TMEM255A: variants seen among roughly 807,000 people sequenced by gnomAD.
TMEM255A encodes family with sequence similarity 70, member A.
TMEM255A carries 14 observed loss-of-function variants against 23.5 expected under a neutral mutation model. That is an observed-to-expected ratio of 0.60 (90% confidence interval 0.39 to 0.93). TMEM255A has a LOEUF of 0.93. Ranked by LOEUF, TMEM255A falls within the 40% of genes least tolerant of loss-of-function variation. The pLI is 0.00. For synonymous variants in TMEM255A, 104 were observed against 100.3 expected, an observed-to-expected ratio of 1.04 and a Z score of -0.22; for missense variants, 233 against 261.7, an observed-to-expected ratio of 0.89 and a Z score of 0.76.
intron 7 of TMEM255A, among the ~76,000 whole-genome samples, chrX:120,270,731 A>G (rs950786083): frequency 9.0e-6 from 1 of 110,677 alleles, no homozygotes; most frequent in African/African-American, 3.3e-5. Flanking sequence ...GATTCCATTG[A>G]AGACTGCCAG....
At position 120,260,207 on chromosome X, in the gene TMEM255A, T is replaced by C; in HGVS notation, c.*663A>G. 1.3e-6 allele frequency: 1 copy of C among 751,924 alleles called. No homozygotes were observed. The highest frequency in any genetic ancestry group is 1.6e-6 in the Non-Finnish European group (1 of 636,623). The allele number at this position is 751,924 out of a possible 1,213,427, so 62.0% of individuals were successfully genotyped here. A position where few individuals can be genotyped will look rare whatever the true frequency, so the allele number is the denominator to read the frequency against. On this transcript the variant is annotated 3_prime_UTR_variant, in exon 9 of 9. Transcript: ENST00000371369. Reference sequence around the variant, plus strand: ...AGTGTTTCCGGAACAATACATCCTGTTCCCCACTACTGAAGATGCAAGAAT... The same window carrying C: ...AGTGTTTCCGGAACAATACATCCTGCTCCCCACTACTGAAGATGCAAGAAT...
intron 7 of TMEM255A, among the ~76,000 whole-genome samples, chrX:120,274,170 G>A (rs782472128): frequency 2.8e-4 from 31 of 111,992 alleles, no homozygotes; most frequent in Non-Finnish European, 5.3e-4. Context: ...CCAGAAGTTC[G>A]AATATTGCAT....
intron 8 of TMEM255A, among the ~76,000 whole-genome samples, chrX:120,262,069 C>T (rs1184541679): frequency 8.9e-6 from 1 of 111,734 alleles, no homozygotes; most frequent in East Asian, 2.8e-4. Context: ...GTGGGTGGAG[C>T]ACCTGAGGTC....
At chrX:120,279,961 CT>C (rs1225912201) in intron 6 of TMEM255A, among the ~76,000 whole-genome samples, 85 of 76,825 alleles carry the variant, frequency 1.1e-3, no homozygotes, top group African/African-American at 3.8e-3. Flanking sequence ...TTTTCTTTTT[CT>C]TTTTTTTTCC....
At chrX:120,268,148 C>T (rs1556017917) in intron 8 of TMEM255A, 96 bp downstream of exon 8, 5 of 978,463 alleles carry the variant, frequency 5.1e-6, no homozygotes, top group Admixed American at 6.2e-5. Flanking sequence ...CATATGCAGA[C>T]AATGGAAAGG....
In TMEM255A at chrX:120,260,146, T is replaced by A; in HGVS notation, c.*724A>T. The A allele has an allele frequency of 1.4e-6, 1 of 737,728 alleles. No homozygotes were observed. The highest frequency in any genetic ancestry group is 1.6e-6 in the Non-Finnish European group (1 of 623,851). The allele number at this position is 737,728 out of a possible 1,213,427, so 60.8% of individuals were successfully genotyped here. A position where few individuals can be genotyped will look rare whatever the true frequency, so the allele number is the denominator to read the frequency against. The stretch of plus-strand genomic sequence containing the variant: ...AGTAGAACCACTGTCTCCTAAGTGA[T>A]CTACTTAAAACATCTCACATGTTGC... On this transcript the variant is annotated 3_prime_UTR_variant, in exon 9 of 9. Coordinates refer to ENST00000371369, the MANE Select transcript of TMEM255A (RefSeq NM_001104544.3).
intron 1 of TMEM255A, among the ~76,000 whole-genome samples, chrX:120,307,999 G>A (rs1232403246): frequency 9.0e-6 from 1 of 111,673 alleles, no homozygotes; most frequent in Non-Finnish European, 1.9e-5. Context: ...TCTCTCATCC[G>A]GGTATTCCCC....
chrX:120,254,914 A>G (rs1186448183), downstream of TMEM255A: 4 of 1,212,191 alleles, frequency 3.3e-6, no homozygotes, highest in African/African-American at 5.2e-5. Flanking sequence ...ATTGTATGCA[A>G]AAGGTCATAT....
In TMEM255A at chrX:120,291,326, G is replaced by C; in HGVS notation, c.279C>G (p.Ile93Met). 10 of 1,207,281 alleles carry C rather than the reference G, an allele frequency of 8.3e-6. No individual in the cohort carries two copies. The highest frequency in any genetic ancestry group is 1.1e-5 in the Non-Finnish European group (10 of 892,819). Reference protein sequence around the residue: ...ENKRQMLVASIVFISFGVIAA... With the variant: ...ENKRQMLVASMVFISFGVIAA... ...CAATCACACCAAAGCTGATAAACAC[G>C]ATAGAAGCCACCAGCTGTAGGGGGG... The change falls in exon 4 of 9, where the codon ATC becomes ATG. Residue 93 changes from isoleucine (I) to methionine (M), a missense_variant. Physicochemically the swap from Ile to Met is conservative, Grantham distance 10. Coordinates refer to ENST00000371369, the MANE Select transcript of TMEM255A (RefSeq NM_001104544.3).
intron 4 of TMEM255A, among the ~76,000 whole-genome samples, chrX:120,289,117 G>T (rs1556022381): frequency 8.9e-6 from 1 of 111,840 alleles, no homozygotes; most frequent in African/African-American, 3.3e-5. Flanking sequence ...GGGTCCAAAT[G>T]TGCCTTTCAT....
At chrX:120,296,683 AAT>A (rs1196615653) in intron 2 of TMEM255A, among the ~76,000 whole-genome samples, 10 of 62,638 alleles carry the variant, frequency 1.6e-4, no homozygotes, top group Non-Finnish European at 2.4e-4. Flanking sequence ...TATTATATTT[AAT>A]ATATATATTA....
chrX:120,297,538 A>G (rs548318854), intron 2 of TMEM255A, among the ~76,000 whole-genome samples: 25 of 110,744 alleles, frequency 2.3e-4, no homozygotes, highest in South Asian at 1.1e-3. Context: ...CTTCCATTTC[A>G]AAAGCATTTT....
At chrX:120,305,662 T>A (rs782760125) in intron 1 of TMEM255A, among the ~76,000 whole-genome samples, 7 of 71,934 alleles carry the variant, frequency 9.7e-5, no homozygotes, top group Non-Finnish European at 1.8e-4. Context: ...GACTGCTCCA[T>A]GGGGAGGGAG....
At chrX:120,297,020 TTA>T (rs1185608550) in intron 2 of TMEM255A, among the ~76,000 whole-genome samples, 4 of 4,326 alleles carry the variant, frequency 9.2e-4, no homozygotes, top group Non-Finnish European at 1.3e-3. Flanking sequence ...ATTATATATA[TTA>T]TATATATATA....
downstream of TMEM255A, chrX:120,255,502 CAAATT>C (rs1691120075): frequency 4.6e-6 from 4 of 874,356 alleles, no homozygotes; most frequent in Middle Eastern, 4.3e-4. Context: ...ATCTGTAAAA[CAAATT>C]AAGGTGCGAA....
intron 2 of TMEM255A, among the ~76,000 whole-genome samples, chrX:120,294,433 C>CA (rs782219332): frequency 0.064 from 2,846 of 44,813 alleles, 120 homozygotes; most frequent in African/African-American, 0.16. Flanking sequence ...GACTCCGTCT[C>CA]AAAAAAAAAA....
At chrX:120,252,221 ACC>A in the TMEM255A span, among the ~76,000 whole-genome samples, 2 of 111,413 alleles carry the variant, frequency 1.8e-5, no homozygotes, top group Non-Finnish European at 3.8e-5. Flanking sequence ...TGACATCGAC[ACC>A]CTTTTGGTAA....
intron 2 of TMEM255A, among the ~76,000 whole-genome samples, chrX:120,300,013 C>T (rs1294743464): frequency 8.9e-6 from 1 of 112,122 alleles, no homozygotes; most frequent in Non-Finnish European, 1.9e-5. Context: ...TTCTTGCTCT[C>T]TTTCCTGAAA....
At chrX:120,296,380 C>CTCTAT (rs5903573) in intron 2 of TMEM255A, among the ~76,000 whole-genome samples, 18,349 of 73,888 alleles carry the variant, frequency 0.25, 2,167 homozygotes, top group Middle Eastern at 0.34. Context: ...TCCCCTTCTC[C>CTCTAT]TCTATTCTAT....
Sources: gnomAD v4.1 joint callset for allele counts (sites outside exome capture counted in the v4.1 genomes callset) on GRCh38, gnomAD v4.1.1 for gene constraint, MANE v1.5 for transcripts, NCBI Gene and HGNC (gene_info 2026-07-23, HGNC 2026-07-21) for gene names.